SLIT3: variants seen among roughly 807,000 people sequenced by gnomAD.
The protein encoded by SLIT3 is slit guidance ligand 3, also known as slit homolog 3 protein.
A neutral mutation model predicts 184.0 loss-of-function variants in SLIT3; 68 were observed. The ratio of observed to expected loss-of-function variants is 0.37; its 90% CI spans 0.30 to 0.45. SLIT3 has a LOEUF of 0.45. Among genes scored for constraint, SLIT3 ranks in the 20% least tolerant of loss-of-function variants. The pLI is 1.00. For missense variants in SLIT3, 1,707 were observed against 2,026.0 expected, an observed-to-expected ratio of 0.84 and a Z score of 3.02; for synonymous variants, 831 against 828.6, an observed-to-expected ratio of 1.00 and a Z score of -0.05.
chr5:168,860,924 C>T (rs1581154729), intron 5 of SLIT3, among the ~76,000 whole-genome samples: 1 of 152,272 alleles, frequency 6.6e-6, no homozygotes, highest in Middle Eastern at 3.4e-3. Context: ...ACATGCTGTG[C>T]CTCTCATTTC....
chr5:168,960,327 CAA>C (rs1431080155), intron 4 of SLIT3, among the ~76,000 whole-genome samples: 1 of 152,182 alleles, frequency 6.6e-6, no homozygotes, highest in African/African-American at 2.4e-5. Flanking sequence ...CTCTGAATTA[CAA>C]AGTTTTTGAA....
At chr5:168,801,346 G>A (rs572177883) in intron 9 of SLIT3, among the ~76,000 whole-genome samples, 71 of 152,254 alleles carry the variant, frequency 4.7e-4, no homozygotes, top group African/African-American at 1.4e-3. Flanking sequence ...TAAACCCCCT[G>A]GTGGCTGGTA....
chr5:169,154,981 A>G (rs776720222), intron 4 of SLIT3, among the ~76,000 whole-genome samples: 48 of 152,242 alleles, frequency 3.2e-4, no homozygotes, highest in Non-Finnish European at 5.9e-4. Context: ...CCTCAGGAAC[A>G]TCAACAGAAG....
chr5:168,869,837 T>C (rs1561978211), intron 5 of SLIT3, among the ~76,000 whole-genome samples: 1 of 152,220 alleles, frequency 6.6e-6, no homozygotes, highest in Non-Finnish European at 1.5e-5. Flanking sequence ...AACGGATCAT[T>C]GGCATTTAAA....
chr5:168,752,927 C>T (rs750918490), intron 18 of SLIT3, 28 bp downstream of exon 18: 36 of 1,611,644 alleles, frequency 2.2e-5, no homozygotes, highest in Middle Eastern at 1.7e-4. Context: ...TCCCAGAGTC[C>T]GTGGGCAGTG....
chr5:168,774,191 CCTG>C (rs1345649997), intron 13 of SLIT3, 41 bp downstream of exon 13: 1 of 1,559,910 alleles, frequency 6.4e-7, no homozygotes, highest in African/African-American at 1.4e-5. Flanking sequence ...TTTGGGGTCT[CCTG>C]CTGCTTGGGC....
At position 168,735,661 on chromosome 5, in the gene SLIT3, TACACACACACACAC is replaced by T. The variant is rs150528782; in HGVS notation, c.2271-11191_2271-11178del. ...ATACACATACATATAGACAGATAGA[TACACACACACACAC>T]ACACACACACACACACACACACACA... is the stretch of plus-strand genomic sequence containing the variant. On this transcript the variant is annotated intron_variant, in intron 20 of 35. Coordinates refer to ENST00000519560, the MANE Select transcript of SLIT3 (RefSeq NM_003062.4). Among the ~76,000 whole-genome samples, 1,208 of 142,108 alleles carry T rather than the reference TACACACACACACAC, an allele frequency of 8.5e-3. 20 individuals are homozygous for T. Among genetic ancestry groups the T allele is most frequent in the African/African-American group, 0.025 (958 of 38,144 alleles). 93.2% of individuals were successfully genotyped at this position (142,108 alleles called of 152,430 possible). A position where few individuals can be genotyped will look rare whatever the true frequency, so the allele number is the denominator to read the frequency against.
At chr5:168,897,771 T>C (rs1212480846) in intron 4 of SLIT3, among the ~76,000 whole-genome samples, 2 of 152,016 alleles carry the variant, frequency 1.3e-5, no homozygotes, top group Admixed American at 1.3e-4. Context: ...CAAAAGATCT[T>C]AGCATTTGGG....
At chr5:169,193,241 C>T (rs770635722) in intron 4 of SLIT3, among the ~76,000 whole-genome samples, 4 of 152,156 alleles carry the variant, frequency 2.6e-5, no homozygotes, top group Non-Finnish European at 5.9e-5. Flanking sequence ...CGATGGACTA[C>T]CACACATCAC....
chr5:169,267,184 C>A (rs1177176081), intron 1 of SLIT3, among the ~76,000 whole-genome samples: 2 of 152,026 alleles, frequency 1.3e-5, no homozygotes, highest in Non-Finnish European at 2.9e-5. Context: ...GATTAAGACA[C>A]CTGTCTATGG....
At chr5:169,205,822 G>T (rs1350947737) in intron 3 of SLIT3, among the ~76,000 whole-genome samples, 1 of 152,206 alleles carries the variant, frequency 6.6e-6, no homozygotes, top group African/African-American at 2.4e-5. Context: ...CCAGGTTACT[G>T]AACAGTCACA....
At chr5:169,295,856 G>A (rs1421743583) in intron 1 of SLIT3, among the ~76,000 whole-genome samples, 1 of 152,208 alleles carries the variant, frequency 6.6e-6, no homozygotes, top group African/African-American at 2.4e-5. Context: ...AATACAAGAA[G>A]AGCAGCAATC....
At chr5:169,153,614 C>T (rs181442963) in intron 4 of SLIT3, among the ~76,000 whole-genome samples, 13 of 152,374 alleles carry the variant, frequency 8.5e-5, no homozygotes, top group Admixed American at 3.3e-4. Context: ...ACAGGCTGAA[C>T]GTCAGGCACA....
chr5:169,006,535 C>A (rs1755932521), intron 4 of SLIT3, among the ~76,000 whole-genome samples: 1 of 151,812 alleles, frequency 6.6e-6, no homozygotes, highest in South Asian at 2.1e-4. Flanking sequence ...TCTTCCATTG[C>A]AGACCAATTA....
At chr5:169,131,084 T>C (rs1429807176) in intron 4 of SLIT3, among the ~76,000 whole-genome samples, 4 of 152,226 alleles carry the variant, frequency 2.6e-5, no homozygotes, top group Non-Finnish European at 4.4e-5. Context: ...AAAGACCCTC[T>C]GGGTTTCAAA....
chr5:168,696,228 T>G (rs1582540494), intron 28 of SLIT3, 64 bp downstream of exon 28: 1 of 1,592,034 alleles, frequency 6.3e-7, no homozygotes, highest in Middle Eastern at 1.7e-4. Context: ...TGGAGGAAGT[T>G]AAGAAAATGG....
chr5:168,951,400 T>A (rs567984952), intron 4 of SLIT3, among the ~76,000 whole-genome samples: 1 of 152,226 alleles, frequency 6.6e-6, no homozygotes, highest in South Asian at 2.1e-4. Context: ...TGGCCCCAGG[T>A]AGAAGATCAG....
chr5:169,207,441 A>T lies in SLIT3; in HGVS notation c.342-13891T>A, dbSNP rs138013392. On this transcript the variant is annotated intron_variant, in intron 3 of 35. Transcript: ENST00000519560. ...CGGCACCAAGTCCATCCTGAAAAGA[A>T]TTCAACGTCATCTCCAAGTTAGAGC... is the stretch of plus-strand genomic sequence containing the variant. 2.6e-5 allele frequency among the ~76,000 whole-genome samples: 4 copies of T among 151,812 alleles called. No individual in the cohort carries two copies. In the East Asian group the frequency reaches 7.7e-4, roughly 29 times the overall value.
At chr5:168,757,183 C>A (rs561220558) in intron 16 of SLIT3, among the ~76,000 whole-genome samples, 1 of 152,270 alleles carries the variant, frequency 6.6e-6, no homozygotes, top group South Asian at 2.1e-4. Context: ...CAGGAAACCA[C>A]AAAATGTAAA....
Sources: allele counts gnomAD v4.1 joint callset (sites outside exome capture counted in the v4.1 genomes callset), GRCh38; gene constraint gnomAD v4.1.1; transcripts MANE v1.5; gene names NCBI Gene and HGNC (gene_info 2026-07-23, HGNC 2026-07-21).